The following SOX6 variants were observed in gnomAD, a reference collection of about 807,000 sequenced individuals.
SOX6 encodes SRY-box transcription factor 6.
In SOX6, 11 loss-of-function variants were observed where a neutral mutation model predicts 97.8. The ratio of observed to expected loss-of-function variants is 0.11; its 90% confidence interval spans 0.07 to 0.19. SOX6 has a LOEUF of 0.19. Among genes scored for constraint, SOX6 ranks in the 10% least tolerant of loss-of-function variants. SOX6 has a pLI of 1.00. For missense variants in SOX6, 810 were observed against 1,039.5 expected (o/e 0.78, Z 3.04); for synonymous variants, 360 against 371.4 (o/e 0.97, Z 0.35).
chr11:16,680,057 C>G (rs552456728), intron 3 of SOX6, among the ~76,000 whole-genome samples: 1 of 152,284 alleles, frequency 6.6e-6, no homozygotes, highest in South Asian at 2.1e-4. Flanking sequence ...TCCAGGAGAA[C>G]TTCCCCAACC....
upstream of SOX6, among the ~76,000 whole-genome samples, chr11:16,357,395 C>G (rs1362271576): frequency 1.3e-5 from 2 of 152,164 alleles, no homozygotes; most frequent in East Asian, 3.9e-4. Flanking sequence ...GAAGAGGGGC[C>G]CAGAGCACTG....
chr11:16,066,579 T>C (rs544477547), intron 9 of SOX6, among the ~76,000 whole-genome samples: 1 of 152,154 alleles, frequency 6.6e-6, no homozygotes, highest in South Asian at 2.1e-4. Context: ...CATATAAAAA[T>C]GAGATTGTCA....
intron 4 of SOX6, among the ~76,000 whole-genome samples, chr11:16,502,567 A>T (rs1283091422): frequency 1.3e-5 from 2 of 152,172 alleles, no homozygotes; most frequent in Admixed American, 1.3e-4. Context: ...TAAATGAAAT[A>T]AAAAATACAT....
chr11:16,581,714 A>T (rs1848033914), intron 4 of SOX6, among the ~76,000 whole-genome samples: 1 of 152,148 alleles, frequency 6.6e-6, no homozygotes, highest in Non-Finnish European at 1.5e-5. Flanking sequence ...CTGTAATCCC[A>T]GCACTTTGGG....
At chr11:16,166,943 A>G (rs1239785345) in intron 6 of SOX6, among the ~76,000 whole-genome samples, 1 of 152,180 alleles carries the variant, frequency 6.6e-6, no homozygotes, top group African/African-American at 2.4e-5. Flanking sequence ...GAACCATGTT[A>G]TGGAGGGCCA....
intron 1 of SOX6, among the ~76,000 whole-genome samples, chr11:16,458,056 C>A (rs1859845692): frequency 6.6e-6 from 1 of 151,964 alleles, no homozygotes; most frequent in African/African-American, 2.4e-5. Context: ...CCTCAACCAA[C>A]CACCTTTTGC....
At chr11:16,146,758 A>T (rs1386692290) in intron 6 of SOX6, among the ~76,000 whole-genome samples, 1 of 152,162 alleles carries the variant, frequency 6.6e-6, no homozygotes, top group Non-Finnish European at 1.5e-5. Flanking sequence ...AAAAATGCTC[A>T]TCATCACTGG....
chr11:16,432,613 G>A (rs540891081), intron 1 of SOX6, among the ~76,000 whole-genome samples: 3 of 152,090 alleles, frequency 2.0e-5, no homozygotes, highest in East Asian at 3.9e-4. Context: ...TTTCTAGACA[G>A]TGGGTCTCAA....
At position 15,972,618 on chromosome 11, in the gene SOX6, C is replaced by A. The variant is rs1316868929; in HGVS notation, c.*191G>T. 3 of 624,870 alleles carry A rather than the reference C, an allele frequency of 4.8e-6. No individual in the cohort carries two copies. Among genetic ancestry groups the A allele is most frequent in the East Asian group, 2.8e-5 (1 of 35,950 alleles). 38.7% of individuals were successfully genotyped at this position (624,870 alleles called of 1,614,324 possible). On this transcript the variant is annotated 3_prime_UTR_variant, in exon 16 of 16. Coordinates refer to ENST00000683767, the MANE Select transcript of SOX6 (RefSeq NM_001367873.1). ...AAAAAAACAACAACAACAACAATAACAATAACAACAAAAAACTCAAGTTCA... is the reference window on the plus strand; with the variant it reads ...AAAAAAACAACAACAACAACAATAAAAATAACAACAAAAAACTCAAGTTCA...
intron 9 of SOX6, among the ~76,000 whole-genome samples, chr11:16,070,068 T>C (rs901688557): frequency 3.3e-5 from 5 of 152,128 alleles, no homozygotes; most frequent in African/African-American, 2.4e-5. Context: ...GGCAGGAGAA[T>C]GGCGTGAACC....
At chr11:16,733,107 G>T (rs980284134) in intron 2 of SOX6, among the ~76,000 whole-genome samples, 2 of 152,206 alleles carry the variant, frequency 1.3e-5, no homozygotes, top group African/African-American at 4.8e-5. Context: ...GGAGAAATAG[G>T]AACGCTTTTA....
chr11:16,301,145 C>T (rs923956041), intron 3 of SOX6, among the ~76,000 whole-genome samples: 1 of 152,068 alleles, frequency 6.6e-6, no homozygotes, highest in African/African-American at 2.4e-5. Context: ...GAGAAACAAA[C>T]TTATATGAAA....
Position 16,441,929 on chromosome 11 carries a change from AG to A in SOX6, c.-5+34385del, listed in dbSNP as rs554120269. Among the ~76,000 whole-genome samples the A allele has an allele frequency of 9.2e-5, 14 of 152,342 alleles. No homozygotes were observed. In the East Asian group the frequency reaches 2.5e-3, roughly 27 times the overall value. On this transcript the variant is annotated intron_variant, in intron 1 of 15. Transcript: ENST00000396356. ...TTAAGAAATGACTGTCGTGAAACTG[AG>A]CACTCCCTTGGGTGCAACAAACTTT...
At chr11:16,403,715 A>T (rs1168754580) in intron 1 of SOX6, among the ~76,000 whole-genome samples, 3 of 151,812 alleles carry the variant, frequency 2.0e-5, no homozygotes, top group Non-Finnish European at 4.4e-5. Context: ...AAAGCTCATT[A>T]ATCACTGAAA....
chr11:16,143,603 A>T (rs1850208521), intron 6 of SOX6, among the ~76,000 whole-genome samples: 1 of 152,142 alleles, frequency 6.6e-6, no homozygotes, highest in Admixed American at 6.5e-5. Context: ...TATTCAGGAG[A>T]CCCATTTCAC....
At chr11:16,651,588 A>C (rs1336605503) in intron 3 of SOX6, among the ~76,000 whole-genome samples, 2 of 152,180 alleles carry the variant, frequency 1.3e-5, no homozygotes, top group Non-Finnish European at 2.9e-5. Flanking sequence ...TTATGATTAC[A>C]ACCCTCAGCA....
upstream of SOX6, among the ~76,000 whole-genome samples, chr11:16,477,419 T>C (rs1453872359): frequency 1.3e-5 from 2 of 152,200 alleles, no homozygotes; most frequent in Non-Finnish European, 2.9e-5. Flanking sequence ...ATAGCACAAA[T>C]GACCTTAATA....
intron 2 of SOX6, among the ~76,000 whole-genome samples, chr11:16,339,038 G>T (rs1053904948): frequency 6.6e-6 from 1 of 151,742 alleles, no homozygotes; most frequent in Non-Finnish European, 1.5e-5. Context: ...ACTAGATTTG[G>T]CATAAAAGCC....
intron 3 of SOX6, among the ~76,000 whole-genome samples, chr11:16,295,200 A>C (rs1174577706): frequency 4.6e-5 from 7 of 152,094 alleles, no homozygotes; most frequent in African/African-American, 1.7e-4. Flanking sequence ...TATTTTTTCA[A>C]ATCAAGACTG....
Sources: allele counts gnomAD v4.1 joint callset (sites outside exome capture counted in the v4.1 genomes callset), GRCh38; gene constraint gnomAD v4.1.1; transcripts MANE v1.5; gene names NCBI Gene and HGNC (gene_info 2026-07-23, HGNC 2026-07-21).